ROBO1: variants seen among roughly 807,000 people sequenced by gnomAD.
The protein encoded by ROBO1 is roundabout guidance receptor 1.
A neutral mutation model predicts 195.9 loss-of-function variants in ROBO1; 149 were observed. That is an observed-to-expected ratio of 0.76 (90% CI 0.67 to 0.87). The LOEUF (loss-of-function observed/expected upper bound fraction) is 0.87, where lower values mean the gene tolerates loss of function less well. Among genes scored for constraint, ROBO1 ranks in the 40% least tolerant of loss-of-function variants. ROBO1 has a pLI of 0.00. For synonymous variants in ROBO1, 816 were observed against 733.2 expected (o/e 1.11, Z -1.82); for missense variants, 1,933 against 2,068.3 (o/e 0.93, Z 1.27).
At chr3:79,219,505 T>A (rs1170833491) in intron 2 of ROBO1, among the ~76,000 whole-genome samples, 1 of 151,998 alleles carries the variant, frequency 6.6e-6, no homozygotes, top group East Asian at 1.9e-4. Context: ...AAGTGTGATA[T>A]GCAGTATGAC....
At chr3:79,650,784 T>C (rs929566442) in intron 1 of ROBO1, among the ~76,000 whole-genome samples, 1 of 151,950 alleles carries the variant, frequency 6.6e-6, no homozygotes, top group Non-Finnish European at 1.5e-5. Flanking sequence ...AGTGGCCTTT[T>C]TGATATTTAT....
chr3:79,445,557 T>C (rs1373999322), intron 2 of ROBO1, among the ~76,000 whole-genome samples: 1 of 146,610 alleles, frequency 6.8e-6, no homozygotes, highest in Non-Finnish European at 1.5e-5. Flanking sequence ...TGGAGTGTAG[T>C]GGTGTGATCA....
At chr3:78,676,605 T>C (rs369487403) in intron 10 of ROBO1, among the ~76,000 whole-genome samples, 43 of 151,702 alleles carry the variant, frequency 2.8e-4, no homozygotes, top group Non-Finnish European at 3.2e-4. Flanking sequence ...TGAAATGAAG[T>C]GAGAAGGGAA....
intron 1 of ROBO1, among the ~76,000 whole-genome samples, chr3:79,610,232 G>T (rs1054182522): frequency 2.0e-5 from 3 of 151,870 alleles, no homozygotes; most frequent in African/African-American, 7.2e-5. Flanking sequence ...CCTTAAATAT[G>T]CTGTTTTTTC....
intron 3 of ROBO1, among the ~76,000 whole-genome samples, chr3:78,941,654 G>T (rs1029804562): frequency 1.3e-5 from 2 of 152,176 alleles, no homozygotes; most frequent in Non-Finnish European, 2.9e-5. Flanking sequence ...CTTGAAGAAT[G>T]AGTCAGAAAC....
intron 4 of ROBO1, among the ~76,000 whole-genome samples, chr3:78,876,096 C>G (rs2035828411): frequency 5.9e-5 from 9 of 152,026 alleles, no homozygotes; most frequent in Non-Finnish European, 8.8e-5. Context: ...GGAAAGGTTA[C>G]TCACAGTTAT....
intron 2 of ROBO1, among the ~76,000 whole-genome samples, chr3:79,155,214 T>A (rs773865138): frequency 6.6e-6 from 1 of 151,624 alleles, no homozygotes; most frequent in Non-Finnish European, 1.5e-5. Context: ...TGGATTGCTA[T>A]ATTGCTTGCT....
rs182153002 is a variant in ROBO1, at chr3:79,058,474, T to C, written c.172+66982A>G. The stretch of plus-strand genomic sequence containing the variant: ...TTTGGACATTGGCTATTGCCATGTC[T>C]GGACTGTGAGTATGGGAAGGGGAAA... On this transcript the variant is annotated intron_variant, in intron 3 of 30. Coordinates refer to ENST00000464233, the MANE Select transcript of ROBO1 (RefSeq NM_002941.4). Among the ~76,000 whole-genome samples the C allele has an allele frequency of 4.2e-3, 641 of 152,170 alleles. 10 individuals carry two copies. Among genetic ancestry groups the C allele is most frequent in the African/African-American group, 0.015 (607 of 41,550 alleles).
At chr3:78,952,765 T>C (rs2040855849) in intron 3 of ROBO1, among the ~76,000 whole-genome samples, 1 of 152,024 alleles carries the variant, frequency 6.6e-6, no homozygotes, top group African/African-American at 2.4e-5. Context: ...ATGGAATGGA[T>C]TATAATAACT....
intron 1 of ROBO1, among the ~76,000 whole-genome samples, chr3:79,633,895 A>G (rs560014034): frequency 7.0e-4 from 107 of 152,250 alleles, no homozygotes; most frequent in African/African-American, 2.5e-3. Context: ...ATCTGATTGT[A>G]GCTGGCAATT....
intron 3 of ROBO1, among the ~76,000 whole-genome samples, chr3:78,981,082 G>T (rs1375432344): frequency 6.6e-6 from 1 of 152,048 alleles, no homozygotes; most frequent in Non-Finnish European, 1.5e-5. Flanking sequence ...ATAGAAATGA[G>T]AAAACTGGAG....
At position 78,827,687 on chromosome 3, in the gene ROBO1, C is replaced by A. The variant is rs573536954; in HGVS notation, c.500-80787G>T. ...GAAGCTCTGAAATCTGCAGGATAGG[C>A]CAGTGGGCTGGAGACGCAGAGAAGA... is the stretch of plus-strand genomic sequence containing the variant. On this transcript the variant is annotated intron_variant, in intron 4 of 30. Transcript: ENST00000464233. 7.0e-4 allele frequency among the ~76,000 whole-genome samples: 107 copies of A among 152,212 alleles called. No homozygotes were observed. The South Asian group carries it at 0.011, about 16-fold the overall frequency.
intron 2 of ROBO1, among the ~76,000 whole-genome samples, chr3:79,255,789 A>G (rs1238698216): frequency 2.0e-5 from 3 of 151,982 alleles, no homozygotes; most frequent in Admixed American, 1.3e-4. Flanking sequence ...CCCACTTCTC[A>G]TCTCCCCCTC....
intron 2 of ROBO1, among the ~76,000 whole-genome samples, chr3:79,139,892 C>T (rs7613938): frequency 0.72 from 108,702 of 151,486 alleles, 39,045 homozygotes; most frequent in East Asian, 0.79. Flanking sequence ...TTAAATGGTG[C>T]TTGAAGTTAG....
At chr3:79,714,281 A>G (rs1226320280) in intron 1 of ROBO1, among the ~76,000 whole-genome samples, 2 of 152,216 alleles carry the variant, frequency 1.3e-5, no homozygotes, top group Non-Finnish European at 2.9e-5. Context: ...GAGAAATGCA[A>G]ATCAAAACCA....
intron 10 of ROBO1, among the ~76,000 whole-genome samples, chr3:78,674,320 G>C (rs887164309): frequency 6.6e-6 from 1 of 152,128 alleles, no homozygotes; most frequent in African/African-American, 2.4e-5. Flanking sequence ...TGTTCTGTTT[G>C]CAAACAGTAA....
intron 5 of ROBO1, among the ~76,000 whole-genome samples, chr3:78,724,244 T>C (rs2082110305): frequency 6.6e-6 from 1 of 152,174 alleles, no homozygotes; most frequent in African/African-American, 2.4e-5. Flanking sequence ...AAGGCCATAA[T>C]TCTACTCTCA....
At position 78,846,414 on chromosome 3, in the gene ROBO1, A is replaced by G. The variant is rs189791863; in HGVS notation, c.499+92187T>C. Reference sequence around the variant, plus strand: ...GGATGCAAATCCTCCCCAAACCCCAAGTAAACCAAAGTCCACTCTTAGACA... The same window carrying G: ...GGATGCAAATCCTCCCCAAACCCCAGGTAAACCAAAGTCCACTCTTAGACA... On this transcript the variant is annotated intron_variant, in intron 4 of 30. Transcript: ENST00000464233. Among the ~76,000 whole-genome samples, 391 of 152,246 alleles carry G rather than the reference A, an allele frequency of 2.6e-3. 3 individuals are homozygous for G. Among genetic ancestry groups the G allele is most frequent in the African/African-American group, 7.8e-3 (326 of 41,564 alleles).
chr3:79,480,545 A>T (rs564752311), intron 2 of ROBO1, among the ~76,000 whole-genome samples: 3 of 152,218 alleles, frequency 2.0e-5, no homozygotes, highest in Admixed American at 1.3e-4. Context: ...ACACACTAGG[A>T]TTACCTTTTG....
Sources: gnomAD v4.1 joint callset for allele counts (sites outside exome capture counted in the v4.1 genomes callset) on GRCh38, gnomAD v4.1.1 for gene constraint, MANE v1.5 for transcripts, NCBI Gene and HGNC (gene_info 2026-07-23, HGNC 2026-07-21) for gene names.